TSNARE1: variants seen among roughly 807,000 people sequenced by gnomAD.
TSNARE1 encodes t-SNARE domain containing 1.
In TSNARE1, 49 loss-of-function variants were observed where a neutral mutation model predicts 62.0. The observed-to-expected ratio is 0.79, with a 90% confidence interval of 0.63 to 1.00. TSNARE1 has a LOEUF of 1.00. Among genes scored for constraint, TSNARE1 ranks in the 50% least tolerant of loss-of-function variants. The probability of loss-of-function intolerance (pLI) is 0.00; values close to 1 mark genes in which losing one functional copy is unlikely to be tolerated. For synonymous variants in TSNARE1, 328 were observed against 294.4 expected (o/e 1.11, Z -1.17); for missense variants, 755 against 700.1 (o/e 1.08, Z -0.88).
intron 4 of TSNARE1, 147 bp downstream of exon 4, chr8:142,343,819 A>AGGAGGAGGAGGAGGGGGGG (rs1486599453): frequency 6.0e-6 from 2 of 330,614 alleles, no homozygotes; most frequent in African/African-American, 9.4e-5. Flanking sequence ...AGGAGGGGAG[A>AGGAGGAGGAGGAGGGGGGG]GGAGGAGGGG....
intron 12 of TSNARE1, chr8:142,274,489 AGG>A: frequency 1.0e-6 from 1 of 985,392 alleles, no homozygotes; most frequent in Non-Finnish European, 1.2e-6. Context: ...GAAGGCCCCA[AGG>A]GCCCTCCCCT....
intron 1 of TSNARE1, among the ~76,000 whole-genome samples, chr8:142,368,303 C>A (rs1835694422): frequency 6.6e-6 from 1 of 152,084 alleles, no homozygotes; most frequent in Non-Finnish European, 1.5e-5. Flanking sequence ...AAAATTTACA[C>A]ACACAGGATA....
chr8:142,333,639 T>C (rs1379741486), intron 4 of TSNARE1, among the ~76,000 whole-genome samples: 1 of 152,138 alleles, frequency 6.6e-6, no homozygotes, highest in Non-Finnish European at 1.5e-5. Flanking sequence ...CTGAGCTGCC[T>C]GGCCAGGGCA....
intron 13 of TSNARE1, among the ~76,000 whole-genome samples, chr8:142,217,960 C>T (rs962772738): frequency 1.4e-5 from 2 of 141,502 alleles, no homozygotes; most frequent in South Asian, 2.3e-4. Context: ...GATCAGGGCT[C>T]AGTGTGTGAC....
intron 1 of TSNARE1, among the ~76,000 whole-genome samples, chr8:142,359,807 G>A (rs562165664): frequency 1.3e-5 from 2 of 152,340 alleles, no homozygotes; most frequent in South Asian, 4.1e-4. Context: ...AGCCGTCAGT[G>A]CAGGGCATGA....
intron 9 of TSNARE1, among the ~76,000 whole-genome samples, chr8:142,301,742 A>G (rs1031552011): frequency 2.6e-5 from 4 of 152,056 alleles, no homozygotes; most frequent in Non-Finnish European, 4.4e-5. Context: ...CGGCCTGGCC[A>G]GGACCGGCCT....
chr8:142,336,627 C>T (rs947074978), intron 4 of TSNARE1, among the ~76,000 whole-genome samples: 2 of 152,108 alleles, frequency 1.3e-5, no homozygotes, highest in Non-Finnish European at 2.9e-5. Flanking sequence ...ACAGGCAGCG[C>T]GGTCAGCAGA....
At chr8:142,359,543 TCA>T (rs1835004462) in intron 1 of TSNARE1, among the ~76,000 whole-genome samples, 1 of 152,132 alleles carries the variant, frequency 6.6e-6, no homozygotes, top group Non-Finnish European at 1.5e-5. Context: ...ACGGCACCGC[TCA>T]CGTCGCTGGA....
chr8:142,274,343 A>C, intron 12 of TSNARE1: 4 of 985,454 alleles, frequency 4.1e-6, no homozygotes, highest in Non-Finnish European at 3.6e-6. Flanking sequence ...GTCCCACTTC[A>C]AGAAAATAAA....
intron 13 of TSNARE1, among the ~76,000 whole-genome samples, chr8:142,227,280 CCA>C (rs1490856534): frequency 6.6e-6 from 1 of 150,908 alleles, no homozygotes; most frequent in African/African-American, 2.5e-5. Flanking sequence ...TCCACTGCAC[CCA>C]CACAACAGTG....
intron 1 of TSNARE1, among the ~76,000 whole-genome samples, chr8:142,402,549 G>A (rs1256231682): frequency 3.9e-5 from 6 of 152,250 alleles, no homozygotes; most frequent in African/African-American, 1.2e-4. Context: ...AGTCCCTGGT[G>A]GGGATGTCGC....
intron 9 of TSNARE1, among the ~76,000 whole-genome samples, chr8:142,301,460 G>C (rs55661027): frequency 4.4e-5 from 4 of 91,910 alleles, no homozygotes; most frequent in East Asian, 3.8e-4. Flanking sequence ...TTCCCCTCCC[G>C]TCAGGAGCCC....
intron 12 of TSNARE1, among the ~76,000 whole-genome samples, chr8:142,264,695 T>G (rs1243949894): frequency 6.6e-6 from 1 of 152,260 alleles, no homozygotes; most frequent in African/African-American, 2.4e-5. Flanking sequence ...AAGTCCATTT[T>G]GTCTAAAATT....
intron 1 of TSNARE1, among the ~76,000 whole-genome samples, chr8:142,369,199 C>T (rs190333461): frequency 3.3e-5 from 5 of 152,230 alleles, no homozygotes; most frequent in East Asian, 3.9e-4. Flanking sequence ...CCAACACTGC[C>T]GGGGGTAGGG....
chr8:142,384,176 G>A lies in TSNARE1; in HGVS notation c.-40+18928C>T, dbSNP rs142402414. Among the ~76,000 whole-genome samples, 517 of 152,180 alleles carry A rather than the reference G, an allele frequency of 3.4e-3. 4 individuals carry two copies. Among genetic ancestry groups the A allele is most frequent in the Admixed American group, 5.2e-3 (79 of 15,286 alleles). On this transcript the variant is annotated intron_variant, in intron 1 of 13. Transcript: ENST00000524325. ...AAGCAGCAGAGTAGGGACCATACAC[G>A]GAGTCACTAAGAGAGCCACATGTGC...
At chr8:142,360,717 A>T (rs1446039300) in intron 1 of TSNARE1, among the ~76,000 whole-genome samples, 1 of 151,980 alleles carries the variant, frequency 6.6e-6, no homozygotes, top group African/African-American at 2.4e-5. Context: ...GCCAGGGAAC[A>T]CCCACCTCAG....
chr8:142,312,783 A>C (rs1827805718), intron 9 of TSNARE1, among the ~76,000 whole-genome samples: 1 of 152,132 alleles, frequency 6.6e-6, no homozygotes, highest in Non-Finnish European at 1.5e-5. Flanking sequence ...CCTGAACTCT[A>C]ATTTTTGCCT....
intron 1 of TSNARE1, among the ~76,000 whole-genome samples, chr8:142,388,457 G>A (rs1320639592): frequency 7.0e-6 from 1 of 142,412 alleles, no homozygotes; most frequent in Non-Finnish European, 1.5e-5. Flanking sequence ...ATCACTATTT[G>A]CAGTTCACAT....
intron 10 of TSNARE1, among the ~76,000 whole-genome samples, chr8:142,296,580 G>C (rs1824792457): frequency 6.6e-6 from 1 of 151,982 alleles, no homozygotes; most frequent in Non-Finnish European, 1.5e-5. Context: ...CTGGGGATGG[G>C]GCTGACCCCA....
Sources: gnomAD v4.1 joint callset for allele counts (sites outside exome capture counted in the v4.1 genomes callset) on GRCh38, gnomAD v4.1.1 for gene constraint, MANE v1.5 for transcripts, NCBI Gene and HGNC (gene_info 2026-07-23, HGNC 2026-07-21) for gene names.